The following ST8SIA1 variants were observed in gnomAD, a reference collection of about 807,000 sequenced individuals.
The protein encoded by ST8SIA1 is alpha-N-acetylneuraminide alpha-2,8-sialyltransferase.
A neutral mutation model predicts 35.9 loss-of-function variants in ST8SIA1; 16 were observed. The ratio of observed to expected loss-of-function variants is 0.45; its 90% CI spans 0.30 to 0.68. The LOEUF is 0.68. Ranked by LOEUF, ST8SIA1 falls within the 30% of genes least tolerant of loss-of-function variation. ST8SIA1 has a pLI of 0.09. For synonymous variants in ST8SIA1, 170 were observed against 169.6 expected, an observed-to-expected ratio of 1.00 and a Z score of -0.02; for missense variants, 383 against 453.6, an observed-to-expected ratio of 0.84 and a Z score of 1.41.
chr12:22,289,954 T>C (rs1182580661), intron 1 of ST8SIA1, among the ~76,000 whole-genome samples: 1 of 152,238 alleles, frequency 6.6e-6, no homozygotes, highest in Non-Finnish European at 1.5e-5. Flanking sequence ...GCTTAGCAAA[T>C]GTTTTCTTAA....
intron 1 of ST8SIA1, among the ~76,000 whole-genome samples, chr12:22,302,598 T>C (rs528927510): frequency 6.6e-6 from 1 of 152,280 alleles, no homozygotes; most frequent in African/African-American, 2.4e-5. Context: ...AGATAAAACC[T>C]GAGACCAAAG....
intron 1 of ST8SIA1, among the ~76,000 whole-genome samples, chr12:22,291,144 C>G (rs544681105): frequency 6.6e-6 from 1 of 152,234 alleles, no homozygotes; most frequent in African/African-American, 2.4e-5. Flanking sequence ...TCAATTAAGC[C>G]AAGAAGCCCT....
intron 1 of ST8SIA1, among the ~76,000 whole-genome samples, chr12:22,307,173 T>C (rs953324346): frequency 1.3e-5 from 2 of 152,078 alleles, no homozygotes; most frequent in African/African-American, 4.8e-5. Context: ...AGCTGTCCAT[T>C]TACATTTGAG....
intron 1 of ST8SIA1, among the ~76,000 whole-genome samples, chr12:22,327,385 G>C (rs977849464): frequency 3.3e-5 from 5 of 152,176 alleles, no homozygotes; most frequent in Non-Finnish European, 7.3e-5. Flanking sequence ...CTCCCTCAAA[G>C]AGCTGTCCCT....
intron 1 of ST8SIA1, among the ~76,000 whole-genome samples, chr12:22,326,973 A>G (rs758513210): frequency 7.9e-5 from 12 of 152,326 alleles, no homozygotes; most frequent in East Asian, 1.9e-4. Flanking sequence ...ACTAACTTAC[A>G]TAATTATTCA....
chr12:22,216,225 T>A lies in ST8SIA1; in HGVS notation c.585-14187A>T, dbSNP rs144587197. ...ATTCTCAATCCTCCCCAAGTAATTG[T>A]CCCAAGTCCAATTTGACCATGTCAC... On this transcript the variant is annotated intron_variant, in intron 4 of 4. Transcript: ENST00000396037. 1.8e-4 allele frequency among the ~76,000 whole-genome samples: 27 copies of A among 152,248 alleles called. No individual in the cohort carries two copies. The East Asian group carries it at 4.4e-3, about 25-fold the overall frequency.
At chr12:22,325,834 A>G in intron 1 of ST8SIA1, 2 of 701,650 alleles carry the variant, frequency 2.9e-6, no homozygotes, top group South Asian at 3.0e-5. Context: ...GCCACTGGTA[A>G]AATAAAATCG....
intron 3 of ST8SIA1, among the ~76,000 whole-genome samples, chr12:22,249,338 C>G (rs1298535811): frequency 6.6e-6 from 1 of 151,672 alleles, no homozygotes; most frequent in East Asian, 1.9e-4. Context: ...CCTGCCTCAG[C>G]CTCCCGAGTA....
At chr12:22,280,245 C>G (rs1358626535) in intron 2 of ST8SIA1, among the ~76,000 whole-genome samples, 1 of 152,082 alleles carries the variant, frequency 6.6e-6, no homozygotes, top group Non-Finnish European at 1.5e-5. Context: ...AAATCGGAGG[C>G]AAATTCCTTT....
At chr12:22,236,581 A>G (rs944543121) in intron 4 of ST8SIA1, among the ~76,000 whole-genome samples, 3 of 152,196 alleles carry the variant, frequency 2.0e-5, no homozygotes, top group Non-Finnish European at 4.4e-5. Context: ...CGGCATATCA[A>G]TATAAATCCT....
intron 2 of ST8SIA1, among the ~76,000 whole-genome samples, chr12:22,282,660 T>G (rs1866051168): frequency 6.6e-6 from 1 of 152,100 alleles, no homozygotes; most frequent in South Asian, 2.1e-4. Context: ...ACCCTCTAAT[T>G]CTTTATTGCT....
intron 4 of ST8SIA1, among the ~76,000 whole-genome samples, chr12:22,238,367 A>G (rs562236190): frequency 1.1e-4 from 17 of 152,308 alleles, no homozygotes; most frequent in African/African-American, 3.8e-4. Context: ...AAACAGTCCA[A>G]CTTTCTGGAG....
chr12:22,242,021 T>G (rs1222810184), intron 4 of ST8SIA1, among the ~76,000 whole-genome samples: 1 of 152,152 alleles, frequency 6.6e-6, no homozygotes, highest in South Asian at 2.1e-4. Context: ...TAAAAGAAAG[T>G]CATGCCTCCT....
intron 4 of ST8SIA1, among the ~76,000 whole-genome samples, chr12:22,218,805 G>A (rs1025891864): frequency 4.0e-5 from 6 of 151,600 alleles, no homozygotes; most frequent in Non-Finnish European, 7.4e-5. Flanking sequence ...GGGCAACAGA[G>A]TGAGACTTGG....
At chr12:22,286,819 A>G (rs549208823) in intron 2 of ST8SIA1, among the ~76,000 whole-genome samples, 1 of 152,276 alleles carries the variant, frequency 6.6e-6, no homozygotes, top group South Asian at 2.1e-4. Flanking sequence ...CCAGTATCAC[A>G]CAAATCCTCA....
At chr12:22,288,804 T>A (rs746927082) in intron 1 of ST8SIA1, among the ~76,000 whole-genome samples, 67 of 152,336 alleles carry the variant, frequency 4.4e-4, no homozygotes, top group Non-Finnish European at 8.7e-4. Context: ...TTCTCTTTCC[T>A]CTTCTTCTCC....
intron 4 of ST8SIA1, among the ~76,000 whole-genome samples, chr12:22,242,814 A>G (rs1261287301): frequency 1.3e-5 from 2 of 152,208 alleles, no homozygotes. Flanking sequence ...GAGTTTAAAT[A>G]TCCAGCTGCC....
chr12:22,219,724 G>T (rs1865275963), intron 4 of ST8SIA1, among the ~76,000 whole-genome samples: 1 of 152,108 alleles, frequency 6.6e-6, no homozygotes, highest in Non-Finnish European at 1.5e-5. Flanking sequence ...GAAAGCAAAT[G>T]GAAATTTCTC....
intron 4 of ST8SIA1, among the ~76,000 whole-genome samples, chr12:22,229,434 T>C (rs932292564): frequency 1.2e-4 from 18 of 151,330 alleles, no homozygotes; most frequent in African/African-American, 3.9e-4. Flanking sequence ...CTGGGCAACA[T>C]AGGGAGAACT....
Sources: allele counts gnomAD v4.1 joint callset (sites outside exome capture counted in the v4.1 genomes callset), GRCh38; gene constraint gnomAD v4.1.1; transcripts MANE v1.5; gene names NCBI Gene and HGNC (gene_info 2026-07-23, HGNC 2026-07-21).